Variants in OSBPL5 observed in about 807,000 individuals in gnomAD.
OSBPL5 encodes the protein oxysterol binding protein like 5, also known as oxysterol-binding protein-related protein 5.
A neutral mutation model predicts 111.2 loss-of-function variants in OSBPL5; 71 were observed. The ratio of observed to expected loss-of-function variants is 0.64; its 90% CI spans 0.53 to 0.78. The LOEUF (loss-of-function observed/expected upper bound fraction) is 0.78, where lower values mean the gene tolerates loss of function less well. OSBPL5 is among the 30% of genes least tolerant of loss of function. The pLI is 0.00. For missense variants in OSBPL5, 1,210 were observed against 1,189.3 expected (o/e 1.02, Z -0.26); for synonymous variants, 549 against 513.9 (o/e 1.07, Z -0.93).
chr11:3,103,313 C>A lies in OSBPL5; in HGVS notation c.1252G>T (p.Val418Leu), dbSNP rs1242884717. The A allele has an allele frequency of 1.2e-6, 2 of 1,605,560 alleles. No homozygotes were observed. Among genetic ancestry groups the A allele is most frequent in the South Asian group, 2.2e-5 (2 of 89,628 alleles). The part of the protein sequence containing the change: ...YHADLLSRAA[V>L]EEDAYSRMKL... ...ATGCGGCTGTAGGCATCCTCCTCCACCGCAGCCCTGCCATGGGGCAGGAGA... is the reference window on the plus strand; with the variant it reads ...ATGCGGCTGTAGGCATCCTCCTCCAACGCAGCCCTGCCATGGGGCAGGAGA... Residue 418 changes from valine to leucine, a missense_variant, in exon 11 of 22, where the codon GTG becomes TTG. Val to Leu is a conservative substitution (Grantham distance 32). Coordinates refer to ENST00000263650, the MANE Select transcript of OSBPL5 (RefSeq NM_020896.4).
intron 1 of OSBPL5, among the ~76,000 whole-genome samples, chr11:3,150,813 C>T (rs923427246): frequency 5.9e-5 from 9 of 152,174 alleles, no homozygotes; most frequent in African/African-American, 7.2e-5. Flanking sequence ...ACTGTGATCA[C>T]GCACGCCTGC....
At chr11:3,102,056 G>A (rs1025685245) in intron 12 of OSBPL5, 127 bp downstream of exon 12, 10 of 909,050 alleles carry the variant, frequency 1.1e-5, no homozygotes, top group Admixed American at 4.6e-5. Flanking sequence ...TGTGCAGGAT[G>A]TGGGGTCCCC....
chr11:3,113,204 A>C lies in OSBPL5; in HGVS notation c.692-5259T>G, dbSNP rs1008587762. ...CTTTAATAAATAAGCTAGCTTTAAA[A>C]TTATTGGTAAAGTAATATTAGAAAT... On this transcript the variant is annotated intron_variant, in intron 7 of 21. Transcript: ENST00000263650. The surrounding 1 kb of genome is among the most constrained non-coding windows in gnomAD (Gnocchi z 4.8). 1.3e-5 allele frequency among the ~76,000 whole-genome samples: 2 copies of C among 152,232 alleles called. No homozygotes were observed. The highest frequency in any genetic ancestry group is 4.8e-5 in the African/African-American group (2 of 41,464).
rs972273903 is a variant in OSBPL5, at chr11:3,109,330, C to T, written c.692-1385G>A. On this transcript the variant is annotated intron_variant, in intron 7 of 21. Coordinates refer to ENST00000263650, the MANE Select transcript of OSBPL5 (RefSeq NM_020896.4). The surrounding 1 kb of genome is among the most constrained non-coding windows in gnomAD (Gnocchi z 7.4). ...CTGGGCCTCAAGTGATCTGCGTCGG[C>T]CTCCCAAAGTGCTGGGATTACAGGT... Among the ~76,000 whole-genome samples the T allele has an allele frequency of 6.6e-6, 1 of 152,180 alleles. No individual in the cohort carries two copies. The highest frequency in any genetic ancestry group is 1.9e-4 in the East Asian group (1 of 5,154).
In OSBPL5 at chr11:3,104,374, C is replaced by T; in HGVS notation, c.1063G>A (p.Gly355Ser). 1 of 1,608,622 alleles carries T rather than the reference C, an allele frequency of 6.2e-7. No homozygotes were observed. Among genetic ancestry groups the T allele is most frequent in the East Asian group, 2.2e-5 (1 of 44,838 alleles). Residue 355 changes from glycine to serine, a missense_variant, in exon 10 of 22, where the codon GGC (glycine) becomes AGC (serine). Transcript: ENST00000263650. This position sits in a 1 kb window ranked among gnomAD's most constrained non-coding sequence, Gnocchi z 5.0. ...ACTGTCTCCACCTGGGACGCCTCGCCCAGCTGCAGCAGACAGGCTGCAGTC... is the reference window on the plus strand; with the variant it reads ...ACTGTCTCCACCTGGGACGCCTCGCTCAGCTGCAGCAGACAGGCTGCAGTC... ...EQVQEELGEL[G>S]EASQVETVSE...
rs1031236760 is a variant in OSBPL5 at position 3,109,699 on chromosome 11, C to T, written c.692-1754G>A. ...TGGTGCCAGAGCGGCCAAGCCTGGG[C>T]GGAACACCAGGGTTGGGGGAGGGAT... On this transcript the variant is annotated intron_variant, in intron 7 of 21. Coordinates refer to ENST00000263650, the MANE Select transcript of OSBPL5 (RefSeq NM_020896.4). The surrounding 1 kb of genome is among the most constrained non-coding windows in gnomAD (Gnocchi z 7.4). 3.3e-5 allele frequency among the ~76,000 whole-genome samples: 5 copies of T among 151,398 alleles called. No homozygotes were observed. Among genetic ancestry groups the T allele is most frequent in the African/African-American group, 7.3e-5 (3 of 41,082 alleles).
chr11:3,122,371 C>T lies in OSBPL5; in HGVS notation c.277G>A (p.Val93Ile). ...DKECVSPTARVTKKETLKAQK... is the reference protein window; with the variant it reads ...DKECVSPTARITKKETLKAQK... Reference sequence around the variant, plus strand: ...ACCTTGAGAGTCTCCTTCTTGGTGACCCTGGCGGTGGGGGACACACATTCC... The same window carrying T: ...ACCTTGAGAGTCTCCTTCTTGGTGATCCTGGCGGTGGGGGACACACATTCC... Residue 93 changes from valine to isoleucine, a missense_variant, in exon 4 of 22, where the codon GTC becomes ATC. By Grantham distance (29) the Val-to-Ile change is conservative (BLOSUM62 3). Coordinates refer to ENST00000263650, the MANE Select transcript of OSBPL5 (RefSeq NM_020896.4). The T allele has an allele frequency of 6.2e-7, 1 of 1,613,730 alleles. No homozygotes were observed. Among genetic ancestry groups the T allele is most frequent in the Non-Finnish European group, 8.5e-7 (1 of 1,179,932 alleles).
chr11:3,129,320 T>C, intron 1 of OSBPL5, 151 bp from the exon 2 acceptor site: 1 of 705,632 alleles, frequency 1.4e-6, no homozygotes, highest in South Asian at 3.2e-5. Context: ...AGCCTGGTGG[T>C]GGGTGGTCAG....
intron 1 of OSBPL5, among the ~76,000 whole-genome samples, chr11:3,160,608 C>G (rs1435733931): frequency 6.6e-6 from 1 of 152,118 alleles, no homozygotes; most frequent in East Asian, 1.9e-4. Flanking sequence ...GATGCGGATG[C>G]TCCGCCCCAA....
chr11:3,112,127 G>T (rs1468496531), intron 7 of OSBPL5, among the ~76,000 whole-genome samples: 3 of 146,966 alleles, frequency 2.0e-5, no homozygotes, highest in African/African-American at 7.7e-5. Context: ...GTGTGTGTGC[G>T]CATATGTGTG....
intron 7 of OSBPL5, among the ~76,000 whole-genome samples, chr11:3,118,126 T>C (rs994205719): frequency 2.0e-5 from 3 of 152,246 alleles, no homozygotes; most frequent in African/African-American, 7.2e-5. Flanking sequence ...CGTTTTCTTC[T>C]AAAATGCTTT....
At chr11:3,094,104 A>C in intron 15 of OSBPL5, 133 bp downstream of exon 15, 1 of 874,858 alleles carries the variant, frequency 1.1e-6, no homozygotes, top group Non-Finnish European at 1.8e-6. Flanking sequence ...GTGTTCCGGG[A>C]TGTCAACAGC....
rs868523391 is a variant in OSBPL5, at chr11:3,158,990, A to G, written c.-22+6226T>C. The stretch of plus-strand genomic sequence containing the variant: ...AGGGATGGGGGTGCCTTAAAGATGG[A>G]GAAACTGAAGCCCAGCGAGGAGCAG... On this transcript the variant is annotated intron_variant, in intron 1 of 21. Transcript: ENST00000263650. Among the ~76,000 whole-genome samples the G allele has an allele frequency of 2.6e-5, 4 of 152,176 alleles. No homozygotes were observed. In the Middle Eastern group the frequency reaches 0.01, roughly 388 times the overall value.
rs992325876 is a variant in OSBPL5, at chr11:3,105,451, G to A, written c.1060-1074C>T. Among the ~76,000 whole-genome samples the A allele has an allele frequency of 1.3e-5, 2 of 152,180 alleles. No individual in the cohort carries two copies. The highest frequency in any genetic ancestry group is 2.4e-5 in the African/African-American group (1 of 41,428). On this transcript the variant is annotated intron_variant, in intron 9 of 21. Coordinates refer to ENST00000263650, the MANE Select transcript of OSBPL5 (RefSeq NM_020896.4). The surrounding 1 kb of genome is among the most constrained non-coding windows in gnomAD (Gnocchi z 5.2). Reference sequence around the variant, plus strand: ...GAGGGGTCATGGGGAGCCCAGTGCTGTAGCTTTGGGGCTTGGAAATCATGG... The same window carrying A: ...GAGGGGTCATGGGGAGCCCAGTGCTATAGCTTTGGGGCTTGGAAATCATGG...
At chr11:3,125,500 C>T (rs975759724) in intron 3 of OSBPL5, among the ~76,000 whole-genome samples, 1 of 152,190 alleles carries the variant, frequency 6.6e-6, no homozygotes, top group African/African-American at 2.4e-5. Flanking sequence ...TACTTCATAC[C>T]CGCTAGGATA....
At position 3,102,288 on chromosome 11, in the gene OSBPL5, A is replaced by G; in HGVS notation, c.1327-7T>C. 6.9e-6 allele frequency: 11 copies of G among 1,586,400 alleles called. No homozygotes were observed. The highest frequency in any genetic ancestry group is 8.6e-6 in the Non-Finnish European group (10 of 1,166,606). On this transcript the variant is annotated splice_region_variant and splice_polypyrimidine_tract_variant and intron_variant, in intron 11 of 21. Coordinates refer to ENST00000263650, the MANE Select transcript of OSBPL5 (RefSeq NM_020896.4). ...TGTACGGCTTCTTGATTCCCTGCAG[A>G]CAACAGAGACTTGTGTGAGGAGCCA... is the stretch of plus-strand genomic sequence containing the variant.
rs545091439 is a variant in OSBPL5, at chr11:3,104,034, A to C, written c.1244+159T>G. Among the ~76,000 whole-genome samples the C allele has an allele frequency of 5.9e-5, 9 of 152,316 alleles. No individual in the cohort carries two copies. The South Asian group carries it at 6.2e-4, about 11-fold the overall frequency. ...CTCCTCCCAGGCCCATCTTGGAGAC[A>C]GGGCCCCCTGGGAGGCTACAGCTGC... On this transcript the variant is annotated intron_variant, in intron 10 of 21. Transcript: ENST00000263650. The surrounding 1 kb of genome is among the most constrained non-coding windows in gnomAD (Gnocchi z 5.0).
chr11:3,127,038 G>A (rs1418567926), intron 2 of OSBPL5, among the ~76,000 whole-genome samples: 2 of 152,220 alleles, frequency 1.3e-5, no homozygotes, highest in African/African-American at 2.4e-5. Context: ...CTGGCAGGCT[G>A]GGTAAGGAGG....
chr11:3,092,202 TAG>T lies in OSBPL5; in HGVS notation c.2259+228_2259+229del, dbSNP rs2134382966. On this transcript the variant is annotated intron_variant, in intron 19 of 21. Coordinates refer to ENST00000263650, the MANE Select transcript of OSBPL5 (RefSeq NM_020896.4). This position sits in a 1 kb window ranked among gnomAD's most constrained non-coding sequence, Gnocchi z 5.4. Reference sequence around the variant, plus strand: ...CTTTGGGGGCAGTGGACAGAGACAGTAGACACAGGGTCCCACAAGCCAAGGTG... The same window carrying T: ...CTTTGGGGGCAGTGGACAGAGACAGTACACAGGGTCCCACAAGCCAAGGTG... Among the ~76,000 whole-genome samples the T allele has an allele frequency of 6.6e-6, 1 of 151,992 alleles. No homozygotes were observed. Among genetic ancestry groups the T allele is most frequent in the East Asian group, 1.9e-4 (1 of 5,166 alleles).
Sources: allele counts gnomAD v4.1 joint callset (sites outside exome capture counted in the v4.1 genomes callset), GRCh38; gene constraint gnomAD v4.1.1; non-coding constraint Gnocchi (gnomAD v3.1); transcripts MANE v1.5; gene names NCBI Gene and HGNC (gene_info 2026-07-23, HGNC 2026-07-21).